Variants in PHACTR2 observed in about 807,000 individuals in gnomAD.
The protein encoded by PHACTR2 is chromosome 6 open reading frame 56.
PHACTR2 carries 30 observed loss-of-function variants against 76.0 expected under a neutral mutation model. The ratio of observed to expected loss-of-function variants is 0.39; its 90% CI spans 0.30 to 0.54. The LOEUF (loss-of-function observed/expected upper bound fraction) is 0.54, where lower values mean the gene tolerates loss of function less well. PHACTR2 is among the 20% of genes least tolerant of loss of function. The probability of loss-of-function intolerance (pLI) is 0.61; values close to 1 mark genes in which losing one functional copy is unlikely to be tolerated. For missense variants in PHACTR2, 696 were observed against 781.1 expected (o/e 0.89, Z 1.30); for synonymous variants, 292 against 292.5 (o/e 1.00, Z 0.02).
rs960191368 is a variant in PHACTR2, at chr6:143,820,878, C to G, written c.1923-2796C>G. Among the ~76,000 whole-genome samples, 1 of 152,236 alleles carries G rather than the reference C, an allele frequency of 6.6e-6. No individual in the cohort carries two copies. The highest frequency in any genetic ancestry group is 2.4e-5 in the African/African-American group (1 of 41,456). ...TGGACACCCAGGCTTTTCCATGTAT[C>G]CCCTGAAATCTAGGTGGAGTGTCTG... On this transcript the variant is annotated intron_variant, in intron 12 of 12. Coordinates refer to ENST00000440869, the MANE Select transcript of PHACTR2 (RefSeq NM_001100164.2). The surrounding 1 kb of genome is among the most constrained non-coding windows in gnomAD (Gnocchi z 4.2).
At chr6:143,735,590 TC>T (rs1208980793) in intron 2 of PHACTR2, among the ~76,000 whole-genome samples, 1 of 149,752 alleles carries the variant, frequency 6.7e-6, no homozygotes, top group African/African-American at 2.5e-5. Flanking sequence ...CAACTTCCCA[TC>T]CCCCCACCCC....
At chr6:143,645,279 C>T (rs1385943672) in intron 1 of PHACTR2, among the ~76,000 whole-genome samples, 2 of 144,988 alleles carry the variant, frequency 1.4e-5, no homozygotes, top group African/African-American at 4.9e-5. Flanking sequence ...GGAAAAGAAA[C>T]TGTAATATAT....
At position 143,697,207 on chromosome 6, in the gene PHACTR2, A is replaced by T. The variant is rs1777794698; in HGVS notation, c.47-14809A>T. ...TAAGAGATTCACATTCTCGTGTGTG[A>T]TGCCTAAAGAGAATGGAAAAAACAA... On this transcript the variant is annotated intron_variant, in intron 1 of 12. Transcript: ENST00000440869. The surrounding 1 kb of genome is among the most constrained non-coding windows in gnomAD (Gnocchi z 4.4). Among the ~76,000 whole-genome samples, 1 of 152,246 alleles carries T rather than the reference A, an allele frequency of 6.6e-6. No individual in the cohort carries two copies. Among genetic ancestry groups the T allele is most frequent in the Non-Finnish European group, 1.5e-5 (1 of 68,036 alleles).
rs1484807281 is a variant in PHACTR2 at position 143,598,953 on chromosome 6, T to C, written c.217+61746T>C. On this transcript the variant is annotated intron_variant, in intron 1 of 11. Coordinates refer to the PHACTR2 transcript ENST00000367584. The surrounding 1 kb of genome is among the most constrained non-coding windows in gnomAD (Gnocchi z 4.1). ...AATAGTAAACATAGTAGATTAGTCC[T>C]TTGTAATTAAATTTAGATAGCATCT... is the stretch of plus-strand genomic sequence containing the variant. Among the ~76,000 whole-genome samples the C allele has an allele frequency of 6.6e-6, 1 of 152,220 alleles. No homozygotes were observed. The highest frequency in any genetic ancestry group is 1.5e-5 in the Non-Finnish European group (1 of 68,046).
Position 143,646,837 on chromosome 6 carries a change from C to T in PHACTR2, c.13+38515C>T, listed in dbSNP as rs1776666553. Among the ~76,000 whole-genome samples, 1 of 152,184 alleles carries T rather than the reference C, an allele frequency of 6.6e-6. No homozygotes were observed. Among genetic ancestry groups the T allele is most frequent in the Non-Finnish European group, 1.5e-5 (1 of 68,032 alleles). ...AGTTATGCTCAGCCTGCTTATTATGCTAGAGCTTAGTGTCTGAATAGCAGA... is the reference window on the plus strand; with the variant it reads ...AGTTATGCTCAGCCTGCTTATTATGTTAGAGCTTAGTGTCTGAATAGCAGA... On this transcript the variant is annotated intron_variant, in intron 1 of 11. Transcript: ENST00000305766. This position sits in a 1 kb window ranked among gnomAD's most constrained non-coding sequence, Gnocchi z 4.1.
chr6:143,607,273 A>G (rs1275699182), upstream of PHACTR2, among the ~76,000 whole-genome samples: 2 of 152,220 alleles, frequency 1.3e-5, no homozygotes, highest in Non-Finnish European at 2.9e-5. Flanking sequence ...TTTGTACTAT[A>G]TTTGAGAAAA....
intron 12 of PHACTR2, among the ~76,000 whole-genome samples, chr6:143,817,599 G>C (rs1776327555): frequency 6.6e-6 from 1 of 152,116 alleles, no homozygotes; most frequent in African/African-American, 2.4e-5. Flanking sequence ...ATTTTTCTCT[G>C]GTCAAAATTG....
At chr6:143,812,083 A>G (rs776838042) in intron 12 of PHACTR2, among the ~76,000 whole-genome samples, 4 of 152,118 alleles carry the variant, frequency 2.6e-5, no homozygotes, top group Non-Finnish European at 5.9e-5. Flanking sequence ...GGGGTGGTTA[A>G]TAAATGGGCT....
At chr6:143,734,642 C>A (rs930720308) in intron 2 of PHACTR2, among the ~76,000 whole-genome samples, 6 of 152,170 alleles carry the variant, frequency 3.9e-5, no homozygotes. Flanking sequence ...AACTTGCTTT[C>A]CCTTTTTTTT....
intron 3 of PHACTR2, among the ~76,000 whole-genome samples, chr6:143,749,299 C>T (rs1049325153): frequency 6.6e-6 from 1 of 152,074 alleles, no homozygotes; most frequent in Non-Finnish European, 1.5e-5. Context: ...CATTCTAAAC[C>T]TAAAACTCTG....
In PHACTR2 at chr6:143,589,205, C is replaced by A. The variant is rs1343031941; in HGVS notation, c.217+51998C>A. Among the ~76,000 whole-genome samples the A allele has an allele frequency of 2.0e-5, 3 of 152,194 alleles. No individual in the cohort carries two copies. Among genetic ancestry groups the A allele is most frequent in the Non-Finnish European group, 4.4e-5 (3 of 68,038 alleles). On this transcript the variant is annotated intron_variant, in intron 1 of 11. Transcript: ENST00000367584. This position sits in a 1 kb window ranked among gnomAD's most constrained non-coding sequence, Gnocchi z 4.4. ...TGACATGGTTTCGATTTGTGTCCCA[C>A]CCAAATCTCATGTCCAGTTGTAATC...
At position 143,700,448 on chromosome 6, in the gene PHACTR2, G is replaced by A. The variant is rs986561933; in HGVS notation, c.47-11568G>A. 6.6e-5 allele frequency among the ~76,000 whole-genome samples: 10 copies of A among 152,066 alleles called. No homozygotes were observed. The South Asian group carries it at 1.2e-3, about 19-fold the overall frequency. On this transcript the variant is annotated intron_variant, in intron 1 of 12. Transcript: ENST00000440869. The surrounding 1 kb of genome is among the most constrained non-coding windows in gnomAD (Gnocchi z 4.1). ...CATGCACCTGTAATCCCAGCTACTC[G>A]GGAGGCTGAGGCAAGAGAATCACTT...
intron 1 of PHACTR2, among the ~76,000 whole-genome samples, chr6:143,637,444 G>A (rs1286167178): frequency 6.6e-6 from 1 of 152,156 alleles, no homozygotes; most frequent in East Asian, 1.9e-4. Context: ...TCTATTCCTA[G>A]TCCTCAATAT....
In PHACTR2 at chr6:143,823,886, G is replaced by C. The variant is rs1266941389; in HGVS notation, c.*197G>C. On this transcript the variant is annotated 3_prime_UTR_variant, in exon 13 of 13. Transcript: ENST00000440869. This position sits in a 1 kb window ranked among gnomAD's most constrained non-coding sequence, Gnocchi z 5.7. ...GATGGCTCCAACAAGCAAAAGGAAG[G>C]ATGCAGTGACTCTTGCTGCCCAGAA... 2 of 511,970 alleles carry C rather than the reference G, an allele frequency of 3.9e-6. No individual in the cohort carries two copies. The highest frequency in any genetic ancestry group is 3.8e-5 in the African/African-American group (2 of 52,742). 31.7% of individuals were successfully genotyped at this position (511,970 alleles called of 1,614,324 possible). A position where few individuals can be genotyped will look rare whatever the true frequency, so the allele number is the denominator to read the frequency against.
chr6:143,702,127 CTTTTTT>C (rs909954007), intron 1 of PHACTR2, among the ~76,000 whole-genome samples: 1 of 105,746 alleles, frequency 9.5e-6, no homozygotes, highest in Non-Finnish European at 1.9e-5. Flanking sequence ...GTCTTCTTTG[CTTTTTT>C]TTTTTTTTTT....
Position 143,765,814 on chromosome 6 carries a change from A to G in PHACTR2, c.1232+16A>G. The G allele has an allele frequency of 6.3e-7, 1 of 1,589,016 alleles. No individual in the cohort carries two copies. Among genetic ancestry groups the G allele is most frequent in the East Asian group, 2.2e-5 (1 of 44,460 alleles). ...ATGCAAAATGGTGAGTTGGGGAACA[A>G]ACCCCCTATTTTATCTGAGAACTAA... On this transcript the variant is annotated intron_variant, in intron 6 of 12. Transcript: ENST00000440869. The surrounding 1 kb of genome is among the most constrained non-coding windows in gnomAD (Gnocchi z 4.1).
At chr6:143,587,325 C>T (rs982631635) in intron 1 of PHACTR2, among the ~76,000 whole-genome samples, 5 of 152,270 alleles carry the variant, frequency 3.3e-5, no homozygotes, top group Non-Finnish European at 5.9e-5. Context: ...AGGAATGCTA[C>T]GTTTTCTAGG....
At chr6:143,660,503 T>C (rs893995203) in intron 1 of PHACTR2, among the ~76,000 whole-genome samples, 1 of 152,144 alleles carries the variant, frequency 6.6e-6, no homozygotes, top group African/African-American at 2.4e-5. Flanking sequence ...CATACGGGAA[T>C]TGGAGATGAG....
rs1775013178 is a variant in PHACTR2, at chr6:143,547,244, G to A, written c.217+10037G>A. ...CTCTTGCCCTAACTATACCTCAATT[G>A]TAGCTCTTTCTAAAAATCATGTCTA... On this transcript the variant is annotated intron_variant, in intron 1 of 11. Coordinates refer to the PHACTR2 transcript ENST00000367584. This position sits in a 1 kb window ranked among gnomAD's most constrained non-coding sequence, Gnocchi z 4.2. Among the ~76,000 whole-genome samples the A allele has an allele frequency of 6.6e-6, 1 of 152,098 alleles. No homozygotes were observed. Among genetic ancestry groups the A allele is most frequent in the Admixed American group, 6.5e-5 (1 of 15,268 alleles).
Sources: gnomAD v4.1 joint callset for allele counts (sites outside exome capture counted in the v4.1 genomes callset) on GRCh38, gnomAD v4.1.1 for gene constraint, Gnocchi (gnomAD v3.1) non-coding constraint, MANE v1.5 for transcripts, NCBI Gene and HGNC (gene_info 2026-07-23, HGNC 2026-07-21) for gene names.